The following ATP6V1C2 variants were observed in gnomAD, a reference collection of about 807,000 sequenced individuals.
ATP6V1C2 encodes ATPase H+ transporting V1 subunit C2.
In ATP6V1C2, 45 loss-of-function variants were observed where a neutral mutation model predicts 56.8. The ratio of observed to expected loss-of-function variants is 0.79; its 90% CI spans 0.62 to 1.02. ATP6V1C2 has a LOEUF of 1.02. ATP6V1C2 is among the 50% of genes least tolerant of loss of function. The probability of loss-of-function intolerance (pLI) is 0.00; values close to 1 mark genes in which losing one functional copy is unlikely to be tolerated. For synonymous variants in ATP6V1C2, 220 were observed against 201.3 expected (o/e 1.09, Z -0.79); for missense variants, 463 against 519.7 (o/e 0.89, Z 1.06).
At chr2:10,733,914 G>A (rs964694287) in intron 3 of ATP6V1C2, among the ~76,000 whole-genome samples, 1 of 150,556 alleles carries the variant, frequency 6.6e-6, no homozygotes, top group Non-Finnish European at 1.5e-5. Context: ...CTGACTGAGG[G>A]TTGGCTGATC....
rs1572578046 is a variant in ATP6V1C2, at chr2:10,764,362, A to G, written c.315A>G (p.Glu105=). 1 of 1,614,054 alleles carries G rather than the reference A, an allele frequency of 6.2e-7. No individual in the cohort carries two copies. The highest frequency in any genetic ancestry group is 8.5e-7 in the Non-Finnish European group (1 of 1,179,912). Residue 105 remains glutamate (E), a synonymous_variant, in exon 5 of 14, where the codon GAA becomes GAG. Transcript: ENST00000272238. Reference sequence around the variant, plus strand: ...TAACATCCTTTGTGACCCACTTTGAATGGGACATGGCCAAATATCCTGTCA... The same window carrying G: ...TAACATCCTTTGTGACCCACTTTGAGTGGGACATGGCCAAATATCCTGTCA... ...VDLTSFVTHF[E]WDMAKYPVKQ...
intron 12 of ATP6V1C2, among the ~76,000 whole-genome samples, chr2:10,779,651 ACT>A (rs1665224540): frequency 7.0e-6 from 1 of 142,338 alleles, no homozygotes; most frequent in Non-Finnish European, 1.5e-5. Flanking sequence ...GCGTCACTGC[ACT>A]CGAGCCTGGG....
rs1023398747 is a variant in ATP6V1C2, at chr2:10,772,589, T to C, written c.617T>C (p.Met206Thr). The change falls in exon 8 of 14, where the codon ATG becomes ACG. Residue 206 changes from methionine to threonine, a missense_variant. Physicochemically the swap from Met to Thr is moderately conservative, Grantham distance 81. Coordinates refer to ENST00000272238, the MANE Select transcript of ATP6V1C2 (RefSeq NM_001039362.2). ...AAAACCTACGAATCTCTCTCAGACATGGTGGTCCCTCGATCAACCAAGTAA... is the reference window on the plus strand; with the variant it reads ...AAAACCTACGAATCTCTCTCAGACACGGTGGTCCCTCGATCAACCAAGTAA... ...WQKTYESLSD[M>T]VVPRSTKLIT... 5 of 1,613,926 alleles carry C rather than the reference T, an allele frequency of 3.1e-6. No individual in the cohort carries two copies. Among genetic ancestry groups the C allele is most frequent in the South Asian group, 1.1e-5 (1 of 91,088 alleles).
intron 3 of ATP6V1C2, among the ~76,000 whole-genome samples, chr2:10,728,104 C>T (rs778569500): frequency 6.6e-6 from 1 of 152,034 alleles, no homozygotes; most frequent in Non-Finnish European, 1.5e-5. Context: ...TTTTTGCAGA[C>T]AGGGTCTGGC....
intron 4 of ATP6V1C2, among the ~76,000 whole-genome samples, chr2:10,761,587 C>G (rs1396755067): frequency 6.6e-6 from 1 of 152,216 alleles, no homozygotes; most frequent in Non-Finnish European, 1.5e-5. Context: ...CAAAATACCA[C>G]TGACTGGGCA....
chr2:10,783,086 C>A lies in ATP6V1C2; in HGVS notation c.1195-88C>A. On this transcript the variant is annotated intron_variant, in intron 13 of 13. Transcript: ENST00000272238. ...AGCTACGCAGAGCAGAACGTACGCT[C>A]AGTGCCTGGCGAGCTTCCTCAAAAC... The A allele has an allele frequency of 3.1e-6, 3 of 968,274 alleles. No homozygotes were observed. In the Middle Eastern group the frequency reaches 6.4e-4, roughly 205 times the overall value. 60.0% of individuals were successfully genotyped at this position (968,274 alleles called of 1,614,324 possible).
At chr2:10,773,081 G>A (rs1664734169) in intron 8 of ATP6V1C2, among the ~76,000 whole-genome samples, 1 of 152,216 alleles carries the variant, frequency 6.6e-6, no homozygotes, top group Admixed American at 6.5e-5. Flanking sequence ...GAGGAGAGCG[G>A]GTTACAGACT....
chr2:10,753,493 C>G (rs189852695), intron 3 of ATP6V1C2, among the ~76,000 whole-genome samples: 1 of 151,310 alleles, frequency 6.6e-6, no homozygotes, highest in Non-Finnish European at 1.5e-5. Context: ...CTTAAGATAG[C>G]TTCCCAGAAG....
chr2:10,753,576 C>T (rs971357142), intron 3 of ATP6V1C2, among the ~76,000 whole-genome samples: 4 of 150,726 alleles, frequency 2.7e-5, no homozygotes, highest in African/African-American at 7.3e-5. Flanking sequence ...CTGTCACCCA[C>T]GCTGGAGTGC....
chr2:10,776,164 G>A (rs946888899), intron 10 of ATP6V1C2, among the ~76,000 whole-genome samples: 4 of 152,176 alleles, frequency 2.6e-5, no homozygotes, highest in Non-Finnish European at 5.9e-5. Context: ...CCTCTGGTCT[G>A]GTCTGTTTCC....
chr2:10,736,688 CA>C (rs1662264864), intron 3 of ATP6V1C2, among the ~76,000 whole-genome samples: 1 of 150,680 alleles, frequency 6.6e-6, no homozygotes, highest in Admixed American at 6.6e-5. Flanking sequence ...ATGCTTAGTT[CA>C]TTTTTTTTTG....
At chr2:10,783,062 G>C (rs1665488023) in intron 13 of ATP6V1C2, 112 bp from the exon 14 acceptor site, 2 of 743,034 alleles carry the variant, frequency 2.7e-6, no homozygotes, top group Non-Finnish European at 2.4e-6. Context: ...GTGGACCACA[G>C]CTACGCAGAG....
chr2:10,735,698 C>A (rs190312037), intron 3 of ATP6V1C2, among the ~76,000 whole-genome samples: 1 of 152,018 alleles, frequency 6.6e-6, no homozygotes, highest in African/African-American at 2.4e-5. Flanking sequence ...TCAAGCCATC[C>A]TCCTGCCTCA....
At chr2:10,741,889 TCC>T (rs1190817292) in intron 3 of ATP6V1C2, among the ~76,000 whole-genome samples, 291 of 110,542 alleles carry the variant, frequency 2.6e-3, no homozygotes, top group African/African-American at 9.9e-3. Flanking sequence ...CCTCCCTCCT[TCC>T]CTCCTTCCTT....
At chr2:10,722,708 C>A in intron 1 of ATP6V1C2, 116 bp from the exon 2 acceptor site, 1 of 1,174,078 alleles carries the variant, frequency 8.5e-7, no homozygotes, top group Non-Finnish European at 1.2e-6. Flanking sequence ...AAATGGATGT[C>A]CTTGGAGCTC....
rs370397882 is a variant in ATP6V1C2 at position 10,750,280 on chromosome 2, GC to G, written c.198-3699del. 5.3e-4 allele frequency among the ~76,000 whole-genome samples: 80 copies of G among 152,334 alleles called. 1 individual carries two copies. The East Asian group carries it at 0.014, about 27-fold the overall frequency. ...GCCTGTAATCTCAGCACTTTGGGAG[GC>G]CGAGGCAGGTGGATTGCTTGAGCTC... On this transcript the variant is annotated intron_variant, in intron 3 of 13. Transcript: ENST00000272238.
At chr2:10,739,648 C>A (rs1662439382) in intron 3 of ATP6V1C2, among the ~76,000 whole-genome samples, 1 of 152,156 alleles carries the variant, frequency 6.6e-6, no homozygotes, top group Admixed American at 6.6e-5. Flanking sequence ...TCTAGGTGAC[C>A]CCGTTTTAAT....
intron 8 of ATP6V1C2, 121 bp from the exon 9 acceptor site, chr2:10,774,667 C>T: frequency 1.2e-6 from 1 of 804,978 alleles, no homozygotes; most frequent in Non-Finnish European, 2.1e-6. Context: ...GTCCTTGGTT[C>T]CCCAGCCCTC....
At chr2:10,769,314 A>G (rs72777384) in intron 6 of ATP6V1C2, among the ~76,000 whole-genome samples, 30,339 of 152,198 alleles carry the variant, frequency 0.2, 3,280 homozygotes, top group African/African-American at 0.26. Context: ...AGTCACCAGG[A>G]TGGTGGAGAT....
Sources: allele counts gnomAD v4.1 joint callset (sites outside exome capture counted in the v4.1 genomes callset), GRCh38; gene constraint gnomAD v4.1.1; transcripts MANE v1.5; gene names NCBI Gene and HGNC (gene_info 2026-07-23, HGNC 2026-07-21).